Variants in CLEC4F observed in about 807,000 individuals in gnomAD.
The protein encoded by CLEC4F is C-type lectin domain family 4 member F, also known as C-type (calcium dependent, carbohydrate-recognition domain) lectin, superfamily member 13.
A neutral mutation model predicts 53.4 loss-of-function variants in CLEC4F; 45 were observed. The observed-to-expected ratio is 0.84, with a 90% CI of 0.66 to 1.08. CLEC4F has a LOEUF of 1.08. CLEC4F is among the 50% of genes least tolerant of loss of function. CLEC4F has a pLI of 0.00. For synonymous variants in CLEC4F, 245 were observed against 257.5 expected (o/e 0.95, Z 0.46); for missense variants, 753 against 698.2 (o/e 1.08, Z -0.88).
At position 70,809,752 on chromosome 2, in the gene CLEC4F, C is replaced by A. The variant is rs201579889; in HGVS notation, c.1645G>T (p.Ala549Ser). The A allele has an allele frequency of 1.2e-6, 2 of 1,613,622 alleles. No homozygotes were observed. Among genetic ancestry groups the A allele is most frequent in the Non-Finnish European group, 1.7e-6 (2 of 1,179,528 alleles). Residue 549 changes from alanine (A) to serine (S), a missense_variant, in exon 6 of 7, where the codon GCC becomes TCC. Coordinates refer to ENST00000272367, the MANE Select transcript of CLEC4F (RefSeq NM_173535.3). ...RWTDGTPFNA[A>S]QNKAPGSKGS... ...GGCTAGACTCACGCTTTGTTCTGGG[C>A]GGCGTTGAATGGTGTCCCATCTGTC...
chr2:70,822,545 C>T (rs1548890), upstream of CLEC4F, among the ~76,000 whole-genome samples: 93,065 of 151,618 alleles, frequency 0.61, 28,977 homozygotes, highest in Middle Eastern at 0.7. Flanking sequence ...ATGTCCCTGT[C>T]CCTGCCACAG....
chr2:70,813,535 CTTTTTT>C (rs1200669131), intron 4 of CLEC4F, among the ~76,000 whole-genome samples: 265 of 93,020 alleles, frequency 2.8e-3, no homozygotes, highest in African/African-American at 8.3e-3. Flanking sequence ...TTCTTTCTTT[CTTTTTT>C]TCTTTCTTTC....
intron 4 of CLEC4F, among the ~76,000 whole-genome samples, chr2:70,813,494 TTTTC>T (rs141932037): frequency 1.4e-4 from 20 of 141,470 alleles, no homozygotes; most frequent in African/African-American, 5.6e-4. Context: ...CTTTCTTTCT[TTTTC>T]TTTCTTTCTT....
chr2:70,810,618 C>CAAAAAAAAAAAAAAAAA (rs58138583), intron 5 of CLEC4F, among the ~76,000 whole-genome samples: 1 of 48,826 alleles, frequency 2.0e-5, no homozygotes, highest in Non-Finnish European at 4.4e-5. Context: ...AACTCTGTCG[C>CAAAAAAAAAAAAAAAAA]AAAAAAAAAA....
At chr2:70,820,799 C>G (rs1677194727), upstream of CLEC4F, among the ~76,000 whole-genome samples, 1 of 152,182 alleles carries the variant, frequency 6.6e-6, no homozygotes, top group Non-Finnish European at 1.5e-5. Flanking sequence ...CAGCCTCTGC[C>G]GCATCCAGCA....
At chr2:70,822,057 C>A (rs1270377506), upstream of CLEC4F, among the ~76,000 whole-genome samples, 2 of 152,164 alleles carry the variant, frequency 1.3e-5, no homozygotes, top group Non-Finnish European at 2.9e-5. Flanking sequence ...CCTTGCCTAG[C>A]CAGAACCCCC....
chr2:70,817,156 G>T (rs782727313), intron 3 of CLEC4F, 44 bp from the exon 4 acceptor site: 17 of 1,570,508 alleles, frequency 1.1e-5, no homozygotes, highest in Non-Finnish European at 1.5e-5. Flanking sequence ...GGCCCATTAT[G>T]TAGGGTAGCA....
chr2:70,817,144 G>T (rs1478323651), intron 3 of CLEC4F, 32 bp from the exon 4 acceptor site: 3 of 1,588,348 alleles, frequency 1.9e-6, no homozygotes, highest in Non-Finnish European at 2.6e-6. Context: ...GGCAGCCAAA[G>T]AGGCCCATTA....
At chr2:70,824,162 A>T (rs1677291934), upstream of CLEC4F, among the ~76,000 whole-genome samples, 1 of 152,132 alleles carries the variant, frequency 6.6e-6, no homozygotes, top group African/African-American at 2.4e-5. Flanking sequence ...ATTTTATTTA[A>T]TAGTAGGGAC....
At chr2:70,811,758 C>G (rs1043716673) in intron 5 of CLEC4F, among the ~76,000 whole-genome samples, 1 of 152,130 alleles carries the variant, frequency 6.6e-6, no homozygotes, top group Admixed American at 6.5e-5. Context: ...TTCATGGGCC[C>G]TCTACAGCAG....
upstream of CLEC4F, among the ~76,000 whole-genome samples, chr2:70,821,643 A>G (rs1301949356): frequency 3.3e-5 from 5 of 152,176 alleles, no homozygotes; most frequent in African/African-American, 1.2e-4. Flanking sequence ...CAATAAAAGA[A>G]TAGGAAGTAC....
rs1553395944 is a variant in CLEC4F, at chr2:70,816,408, C to T, written c.973G>A (p.Glu325Lys). ...ACGTGAATTTCATCACCAGCTCTTTCCAAATGACCTCTTAAGAACTGGATC... is the reference window on the plus strand; with the variant it reads ...ACGTGAATTTCATCACCAGCTCTTTTCAAATGACCTCTTAAGAACTGGATC... Reference protein sequence around the residue: ...AEIQFLRGHLERAGDEIHVLK... With the variant: ...AEIQFLRGHLKRAGDEIHVLK... Residue 325 changes from glutamate to lysine, a missense_variant, in exon 4 of 7, where the codon GAA (glutamate) becomes AAA (lysine). Glu to Lys is a moderately conservative substitution (Grantham distance 56, BLOSUM62 1). Transcript: ENST00000272367. 1.2e-6 allele frequency: 2 copies of T among 1,613,724 alleles called. No individual in the cohort carries two copies. Among genetic ancestry groups the T allele is most frequent in the African/African-American group, 2.7e-5 (2 of 74,872 alleles).
Position 70,816,603 on chromosome 2 carries a change from G to A in CLEC4F, c.778C>T (p.His260Tyr). Residue 260 changes from histidine to tyrosine, a missense_variant, in exon 4 of 7, where the codon CAT becomes TAT. His to Tyr is a moderately conservative substitution (Grantham distance 83). Coordinates refer to ENST00000272367, the MANE Select transcript of CLEC4F (RefSeq NM_173535.3). Reference protein sequence around the residue: ...ANAEIYVLRGHLDSVNDLRTQ... With the variant: ...ANAEIYVLRGYLDSVNDLRTQ... ...CTCAAGTCATTGACACTATCTAGAT[G>A]GCCTCTCAAAACATAGATCTCAGCA... is the stretch of plus-strand genomic sequence containing the variant. 1 of 1,613,970 alleles carries A rather than the reference G, an allele frequency of 6.2e-7. No individual in the cohort carries two copies. Among genetic ancestry groups the A allele is most frequent in the Non-Finnish European group, 8.5e-7 (1 of 1,180,010 alleles).
rs1380450706 is a variant in CLEC4F at position 70,816,899 on chromosome 2, G to A, written c.482C>T (p.Thr161Ile). The change falls in exon 4 of 7, where the codon ACA becomes ATA. Residue 161 changes from threonine (T) to isoleucine (I), a missense_variant. Coordinates refer to ENST00000272367, the MANE Select transcript of CLEC4F (RefSeq NM_173535.3). ...TAACATCTGTGTCTGCAAACTCAAT[G>A]TAGTGGCATCCTTTAGAACTCCTTT... ...MVKGVLKDAT[T>I]LSLQTQMLRS... 6.2e-7 allele frequency: 1 copy of A among 1,614,040 alleles called. No individual in the cohort carries two copies. Among genetic ancestry groups the A allele is most frequent in the African/African-American group, 1.3e-5 (1 of 74,900 alleles).
At chr2:70,813,936 C>A (rs1676752789) in intron 4 of CLEC4F, among the ~76,000 whole-genome samples, 1 of 152,176 alleles carries the variant, frequency 6.6e-6, no homozygotes, top group Non-Finnish European at 1.5e-5. Context: ...GCCTTGGCCT[C>A]CCAAAGTGCT....
At chr2:70,818,370 C>T (rs945739237) in intron 3 of CLEC4F, among the ~76,000 whole-genome samples, 1 of 152,182 alleles carries the variant, frequency 6.6e-6, no homozygotes, top group Admixed American at 6.5e-5. Flanking sequence ...ATCAATTTCA[C>T]ACCATTATAC....
rs6710161 is a variant in CLEC4F at position 70,819,535 on chromosome 2, G to A, written c.179-91C>T. On this transcript the variant is annotated intron_variant, in intron 2 of 6. Transcript: ENST00000272367. ...CACACAGAGGTAGAGTTCCAGAACC[G>A]GGGAGATAGCAGCAAAGACCCTCCC... 2,927 of 1,257,148 alleles carry A rather than the reference G, an allele frequency of 2.3e-3. 43 individuals carry two copies. In the African/African-American group the frequency reaches 0.038, roughly 16 times the overall value. The allele number at this position is 1,257,148 out of a possible 1,614,324, so 77.9% of individuals were successfully genotyped here.
At chr2:70,823,043 G>A (rs139176984), upstream of CLEC4F, among the ~76,000 whole-genome samples, 641 of 152,338 alleles carry the variant, frequency 4.2e-3, 7 homozygotes, top group African/African-American at 0.014. Flanking sequence ...CAAGCAAGTC[G>A]CCCCGTGGGT....
At chr2:70,821,287 A>G (rs1677210060), upstream of CLEC4F, among the ~76,000 whole-genome samples, 3 of 152,090 alleles carry the variant, frequency 2.0e-5, no homozygotes. Flanking sequence ...GCCCCTTAGG[A>G]CTACACTTGG....
Sources: allele counts gnomAD v4.1 joint callset (sites outside exome capture counted in the v4.1 genomes callset), GRCh38; gene constraint gnomAD v4.1.1; transcripts MANE v1.5; gene names NCBI Gene and HGNC (gene_info 2026-07-23, HGNC 2026-07-21).